The following ZFHX3 variants were observed in gnomAD, a reference collection of about 807,000 sequenced individuals.
The protein encoded by ZFHX3 is zinc finger homeobox 3.
In ZFHX3, 42 loss-of-function variants were observed where a neutral mutation model predicts 279.1. That is an observed-to-expected ratio of 0.15 (90% CI 0.12 to 0.19). The LOEUF is 0.19. Ranked by LOEUF, ZFHX3 falls within the 10% of genes least tolerant of loss-of-function variation. The pLI, the probability that ZFHX3 is intolerant of heterozygous loss-of-function variation, is 1.00. For missense variants in ZFHX3, 4,981 were observed against 4,754.0 expected (o/e 1.05, Z -1.40); for synonymous variants, 2,293 against 1,957.8 (o/e 1.17, Z -4.52).
chr16:73,795,070 C>T (rs534418130), intron 1 of ZFHX3, among the ~76,000 whole-genome samples: 1 of 152,312 alleles, frequency 6.6e-6, no homozygotes, highest in Non-Finnish European at 1.5e-5. Flanking sequence ...AGTATTGGCT[C>T]AAGCAAACAC....
At chr16:73,789,073 T>C (rs1241956870) in intron 1 of ZFHX3, among the ~76,000 whole-genome samples, 1 of 150,744 alleles carries the variant, frequency 6.6e-6, no homozygotes, top group Non-Finnish European at 1.5e-5. Flanking sequence ...ATATCATATA[T>C]ATCTTATAAA....
chr16:73,602,829 C>G (rs2143864917), intron 2 of ZFHX3, among the ~76,000 whole-genome samples: 1 of 142,990 alleles, frequency 7.0e-6, no homozygotes, highest in African/African-American at 2.9e-5. Context: ...CACCTGTAAT[C>G]CAAGGTATTC....
chr16:73,119,726 C>CCATTTTAGAAATGGGATCCAGCTGTATCA (rs1966474507), intron 7 of ZFHX3, among the ~76,000 whole-genome samples: 1 of 152,124 alleles, frequency 6.6e-6, no homozygotes, highest in Non-Finnish European at 1.5e-5. Flanking sequence ...GCTCTATCCC[C>CCATTTTAGAAATGGGATCCAGCTGTATCA]CAGGCTGGAA....
chr16:72,800,173 C>A (rs1437894412), intron 7 of ZFHX3, 44 bp from the exon 8 acceptor site: 1 of 1,517,326 alleles, frequency 6.6e-7, no homozygotes, highest in Non-Finnish European at 9.2e-7. Context: ...AGGAAAGCGA[C>A]ACAAAATAGG....
At chr16:73,165,944 T>A (rs1276549203) in intron 5 of ZFHX3, among the ~76,000 whole-genome samples, 1 of 152,162 alleles carries the variant, frequency 6.6e-6, no homozygotes, top group East Asian at 1.9e-4. Flanking sequence ...TGGAATACAT[T>A]ACGACTGTGG....
At chr16:72,812,061 C>G (rs1286111896) in intron 5 of ZFHX3, 23 bp from the exon 6 acceptor site, 1 of 1,612,234 alleles carries the variant, frequency 6.2e-7, no homozygotes, top group South Asian at 1.1e-5. Context: ...GTAGAAGATG[C>G]AATACAGCAG....
chr16:73,832,792 TACAC>T (rs373714808), intron 1 of ZFHX3, among the ~76,000 whole-genome samples: 1 of 151,940 alleles, frequency 6.6e-6, no homozygotes, highest in South Asian at 2.1e-4. Flanking sequence ...AATATATATC[TACAC>T]ACACACACAC....
At chr16:73,212,801 T>C (rs1415611104) in intron 5 of ZFHX3, among the ~76,000 whole-genome samples, 1 of 152,218 alleles carries the variant, frequency 6.6e-6, no homozygotes, top group Non-Finnish European at 1.5e-5. Context: ...CCAGCAGACT[T>C]TGAGTCTCAG....
chr16:73,474,936 G>T (rs529042039), intron 2 of ZFHX3, among the ~76,000 whole-genome samples: 1 of 152,192 alleles, frequency 6.6e-6, no homozygotes, highest in African/African-American at 2.4e-5. Flanking sequence ...TTTCCAAATG[G>T]GGCTGGGAGG....
intron 1 of ZFHX3, among the ~76,000 whole-genome samples, chr16:73,039,890 T>C (rs1218368270): frequency 6.6e-6 from 1 of 152,098 alleles, no homozygotes; most frequent in African/African-American, 2.4e-5. Flanking sequence ...CTTTGCAAAA[T>C]GGCTTCTCTC....
At position 72,881,825 on chromosome 16, in the gene ZFHX3, C is replaced by A. The variant is rs376362295; in HGVS notation, c.3448+7906G>T. 5.3e-5 allele frequency among the ~76,000 whole-genome samples: 8 copies of A among 152,298 alleles called. No individual in the cohort carries two copies. In the East Asian group the frequency reaches 9.7e-4, roughly 18 times the overall value. ...AGCACCCCCAAATCCAGGGACAGCACCCCCAACTCCCAGCCCAGCACAAAC... is the reference window on the plus strand; with the variant it reads ...AGCACCCCCAAATCCAGGGACAGCAACCCCAACTCCCAGCCCAGCACAAAC... On this transcript the variant is annotated intron_variant, in intron 4 of 9. Transcript: ENST00000268489.
chr16:72,915,222 C>T (rs1002787543), intron 3 of ZFHX3, among the ~76,000 whole-genome samples: 3 of 152,154 alleles, frequency 2.0e-5, no homozygotes, highest in African/African-American at 7.2e-5. Flanking sequence ...TTTTGTTTTC[C>T]CATTGTGTCA....
At position 72,798,367 on chromosome 16, in the gene ZFHX3, G is replaced by T; in HGVS notation, c.4315C>A (p.Arg1439=). Residue 1439 remains arginine (R), a synonymous_variant, in exon 9 of 10, where the codon CGA becomes AGA. Coordinates refer to ENST00000268489, the MANE Select transcript of ZFHX3 (RefSeq NM_006885.4). The part of the protein sequence containing the change: ...TMCCLCQRSF[R]TFQALKKHLE... ...TGCTTCTTCAGAGCCTGGAAAGTTCGGAAACTGCGCTGACAAAGACAGCAC... is the reference window on the plus strand; with the variant it reads ...TGCTTCTTCAGAGCCTGGAAAGTTCTGAAACTGCGCTGACAAAGACAGCAC... The T allele has an allele frequency of 6.2e-7, 1 of 1,614,196 alleles. No homozygotes were observed. The highest frequency in any genetic ancestry group is 8.5e-7 in the Non-Finnish European group (1 of 1,180,038).
At position 72,797,759 on chromosome 16, in the gene ZFHX3, G is replaced by C; in HGVS notation, c.4923C>G (p.Asn1641Lys). The change falls in exon 9 of 10, where the codon AAC becomes AAG. Residue 1641 changes from asparagine to lysine, a missense_variant. Physicochemically the swap from Asn to Lys is moderately conservative, Grantham distance 94 (BLOSUM62 0). This residue lies in a region of ZFHX3 where 1,751 missense variants were observed against 1,770.0 expected (regional missense o/e 0.99). Transcript: ENST00000268489. ...AGGAGCTCAAGGAAATACTGCTGCTGTTCCCAGTCCCATTGCTGCTGCCAC... is the reference window on the plus strand; with the variant it reads ...AGGAGCTCAAGGAAATACTGCTGCTCTTCCCAGTCCCATTGCTGCTGCCAC... ...AASGSSNGTGNSSSISLSSST... is the reference protein window; with the variant it reads ...AASGSSNGTGKSSSISLSSST... The C allele has an allele frequency of 6.2e-7, 1 of 1,614,102 alleles. No homozygotes were observed. Among genetic ancestry groups the C allele is most frequent in the Non-Finnish European group, 8.5e-7 (1 of 1,180,020 alleles).
rs1407247144 is a variant in ZFHX3 at position 72,829,843 on chromosome 16, A to T, written c.3465T>A (p.Asp1155Glu). The change falls in exon 5 of 10, where the codon GAT becomes GAA. Residue 1155 changes from aspartate (D) to glutamate (E), a missense_variant. By Grantham distance (45) the Asp-to-Glu change is conservative (BLOSUM62 2). Transcript: ENST00000268489. ...PSTDPEEAIE[D>E]VEGPSETAAD... is the part of the protein sequence containing the mutation. ...CAGCTGTTTCACTGGGTCCTTCAAC[A>T]TCTTCAATGGCTTCTTCTGAAACAG... 6 of 1,614,198 alleles carry T rather than the reference A, an allele frequency of 3.7e-6. No homozygotes were observed. The highest frequency in any genetic ancestry group is 5.1e-6 in the Non-Finnish European group (6 of 1,180,036).
intron 2 of ZFHX3, among the ~76,000 whole-genome samples, chr16:73,562,539 T>C (rs2020386179): frequency 7.0e-6 from 1 of 142,442 alleles, no homozygotes; most frequent in Non-Finnish European, 1.5e-5. Flanking sequence ...GAGCTTGCAG[T>C]GACCCGAGAT....
chr16:73,639,235 G>A (rs2052553288), intron 2 of ZFHX3, among the ~76,000 whole-genome samples: 1 of 152,104 alleles, frequency 6.6e-6, no homozygotes, highest in Admixed American at 6.5e-5. Context: ...TTGCTGCTGT[G>A]GTCCTGTCTG....
intron 2 of ZFHX3, among the ~76,000 whole-genome samples, chr16:73,588,631 A>C (rs2051952890): frequency 6.6e-6 from 1 of 151,070 alleles, no homozygotes; most frequent in African/African-American, 2.4e-5. Context: ...CCGAGCTTGC[A>C]GTGAGCTGAG....
intron 4 of ZFHX3, among the ~76,000 whole-genome samples, chr16:73,310,610 G>C (rs1324033483): frequency 6.6e-6 from 1 of 152,112 alleles, no homozygotes; most frequent in African/African-American, 2.4e-5. Flanking sequence ...ATATGCTATA[G>C]TACATAGGAC....
Sources: gnomAD v4.1 joint callset for allele counts (sites outside exome capture counted in the v4.1 genomes callset) on GRCh38, gnomAD v4.1.1 for gene constraint, gnomAD v4.1.1 regional missense constraint, MANE v1.5 for transcripts, NCBI Gene and HGNC (gene_info 2026-07-23, HGNC 2026-07-21) for gene names.